Variants in EYS observed in about 807,000 individuals in gnomAD.
The protein encoded by EYS is protein eyes shut homolog.
Under a neutral mutation model 282.1 loss-of-function variants are expected in EYS, and 250 were observed. The ratio of observed to expected loss-of-function variants is 0.89; its 90% CI spans 0.80 to 0.98. The LOEUF (loss-of-function observed/expected upper bound fraction) is 0.98. Among genes scored for constraint, EYS ranks in the 50% least tolerant of loss-of-function variants. The pLI, the probability that EYS is intolerant of heterozygous loss-of-function variation, is 0.00. For synonymous variants in EYS, 1,355 were observed against 1,282.9 expected (o/e 1.06, Z -1.20); for missense variants, 4,016 against 3,709.0 (o/e 1.08, Z -2.15).
At chr6:65,281,018 A>C (rs1456549947) in intron 12 of EYS, among the ~76,000 whole-genome samples, 1 of 138,654 alleles carries the variant, frequency 7.2e-6, no homozygotes, top group Non-Finnish European at 1.6e-5. Context: ...CCTGGGCAAC[A>C]GAGTGAGATG....
intron 11 of EYS, among the ~76,000 whole-genome samples, chr6:65,311,416 T>C (rs1005972350): frequency 2.0e-5 from 3 of 152,194 alleles, no homozygotes; most frequent in African/African-American, 7.2e-5. Context: ...TTTAAGCAAT[T>C]ACAGATAACA....
At chr6:65,001,216 G>A (rs901962973) in intron 13 of EYS, among the ~76,000 whole-genome samples, 2 of 126,628 alleles carry the variant, frequency 1.6e-5, no homozygotes, top group African/African-American at 5.1e-5. Context: ...TGTATCCTGA[G>A]CTCTTGCCTA....
chr6:64,487,665 TCA>T (rs1582812697), intron 26 of EYS, among the ~76,000 whole-genome samples: 1 of 151,004 alleles, frequency 6.6e-6, no homozygotes, highest in African/African-American at 2.4e-5. Context: ...ATCAATAATT[TCA>T]CAGTTTTATA....
rs1453197074 is a variant in EYS at position 64,886,952 on chromosome 6, AATAAT to A, written c.2847-115_2847-111del. 6 of 723,210 alleles carry A rather than the reference AATAAT, an allele frequency of 8.3e-6. No homozygotes were observed. In the African/African-American group the frequency reaches 1.1e-4, roughly 14 times the overall value. The allele number at this position is 723,210 out of a possible 1,614,324, so 44.8% of individuals were successfully genotyped here. The stretch of plus-strand genomic sequence containing the variant: ...CAAGACATTCAACTTAATTGAAATA[AATAAT>A]ATATGTATTTCATTTTTTTCTTTGA... On this transcript the variant is annotated intron_variant, in intron 18 of 42. Coordinates refer to ENST00000503581, the MANE Select transcript of EYS (RefSeq NM_001142800.2).
chr6:65,427,023 T>C (rs781191260), intron 5 of EYS, among the ~76,000 whole-genome samples: 26 of 152,168 alleles, frequency 1.7e-4, no homozygotes, highest in African/African-American at 5.8e-4. Flanking sequence ...TGTATGTTTT[T>C]AAGGAAATAT....
At position 64,639,781 on chromosome 6, in the gene EYS, C is replaced by A. The variant is rs1217859932; in HGVS notation, c.3444-13536G>T. Among the ~76,000 whole-genome samples, 2 of 91,078 alleles carry A rather than the reference C, an allele frequency of 2.2e-5. 1 individual carries two copies. The highest frequency in any genetic ancestry group is 4.7e-5 in the Non-Finnish European group (2 of 42,232). The allele number at this position is 91,078 out of a possible 152,430, so 59.8% of individuals were successfully genotyped here. On this transcript the variant is annotated intron_variant, in intron 22 of 42. Coordinates refer to ENST00000503581, the MANE Select transcript of EYS (RefSeq NM_001142800.2). ...ACTACCATCAGAGTGAACAGGCAAC[C>A]TACAGAATGGGAGAAAATTTTCGCA...
intron 33 of EYS, among the ~76,000 whole-genome samples, chr6:64,000,194 T>TCAG (rs1287948070): frequency 8.2e-5 from 9 of 109,380 alleles, no homozygotes; most frequent in South Asian, 3.4e-4. Context: ...TTTTTTTTTT[T>TCAG]TTTTTTTTTT....
rs1381364965 is a variant in EYS, at chr6:65,334,823, A to G, written c.1766+157T>C. On this transcript the variant is annotated intron_variant, in intron 11 of 42. Coordinates refer to ENST00000503581, the MANE Select transcript of EYS (RefSeq NM_001142800.2). ...CATAACATGTATTATGTAACATAATATATAATAACTATATATGTATATGTA... is the reference window on the plus strand; with the variant it reads ...CATAACATGTATTATGTAACATAATGTATAATAACTATATATGTATATGTA... The G allele has an allele frequency of 1.6e-5, 10 of 618,732 alleles. No homozygotes were observed. The African/African-American group carries it at 1.9e-4, about 11-fold the overall frequency. 38.3% of individuals were successfully genotyped at this position (618,732 alleles called of 1,614,324 possible).
intron 1 of EYS, among the ~76,000 whole-genome samples, chr6:65,651,552 A>T (rs1767652593): frequency 1.3e-5 from 2 of 152,016 alleles, no homozygotes. Context: ...TCAAACTTAA[A>T]TTTTTAAAAG....
intron 29 of EYS, among the ~76,000 whole-genome samples, chr6:64,325,431 A>G (rs1045764165): frequency 3.3e-5 from 5 of 152,128 alleles, no homozygotes; most frequent in African/African-American, 2.4e-5. Context: ...TTAGCCCTAG[A>G]CCTTTCCTCT....
intron 14 of EYS, among the ~76,000 whole-genome samples, chr6:64,971,817 C>CA: frequency 6.6e-6 from 1 of 152,092 alleles, no homozygotes; most frequent in Non-Finnish European, 1.5e-5. Context: ...GAGAGAACAT[C>CA]ATGAAATTGT....
intron 1 of EYS, among the ~76,000 whole-genome samples, chr6:65,659,568 A>C (rs1377618608): frequency 6.6e-6 from 1 of 151,726 alleles, no homozygotes; most frequent in Non-Finnish European, 1.5e-5. Flanking sequence ...CAATTTTTAG[A>C]AACACCTGAG....
rs1478808626 is a variant in EYS at position 64,919,042 on chromosome 6, TCTTAGGTAC to T, written c.2382-6308_2382-6300del. Among the ~76,000 whole-genome samples, 50 of 152,312 alleles carry T rather than the reference TCTTAGGTAC, an allele frequency of 3.3e-4. 1 individual carries two copies. Among genetic ancestry groups the T allele is most frequent in the Admixed American group, 3.3e-3 (50 of 15,294 alleles). ...TGATATTCTGCAGTATTTTATAGAA[TCTTAGGTAC>T]ATATGTAGATTCTTTGAAAAGAAAT... On this transcript the variant is annotated intron_variant, in intron 15 of 42. Transcript: ENST00000503581.
At chr6:64,577,497 C>T (rs1234143244) in intron 26 of EYS, among the ~76,000 whole-genome samples, 2 of 149,650 alleles carry the variant, frequency 1.3e-5, no homozygotes, top group African/African-American at 4.8e-5. Context: ...TACACACACA[C>T]ACTCACACAC....
chr6:64,452,664 C>G (rs1775400167), intron 26 of EYS, among the ~76,000 whole-genome samples: 1 of 151,988 alleles, frequency 6.6e-6, no homozygotes, highest in Non-Finnish European at 1.5e-5. Context: ...AACAGAGATA[C>G]AGACCAATGG....
intron 19 of EYS, among the ~76,000 whole-genome samples, chr6:64,845,190 C>G (rs55754439): frequency 0.092 from 14,005 of 151,924 alleles, 847 homozygotes; most frequent in East Asian, 0.32. Context: ...ACTCAGGAAG[C>G]TGAGGTGTGA....
At chr6:65,325,617 A>C in intron 11 of EYS, among the ~76,000 whole-genome samples, 1 of 152,090 alleles carries the variant, frequency 6.6e-6, no homozygotes, top group African/African-American at 2.4e-5. Flanking sequence ...TAGTGATTGG[A>C]TGTGTCAGGG....
intron 42 of EYS, among the ~76,000 whole-genome samples, chr6:63,723,520 A>C (rs1768489467): frequency 6.6e-6 from 1 of 152,144 alleles, no homozygotes; most frequent in Non-Finnish European, 1.5e-5. Context: ...ATTAGAATAA[A>C]AAATATCTAA....
At chr6:65,430,779 G>T (rs1397467252) in intron 5 of EYS, among the ~76,000 whole-genome samples, 1 of 152,180 alleles carries the variant, frequency 6.6e-6, no homozygotes, top group Non-Finnish European at 1.5e-5. Flanking sequence ...CACATCCTGG[G>T]CCAGAAAGGA....
Sources: allele counts gnomAD v4.1 joint callset (sites outside exome capture counted in the v4.1 genomes callset), GRCh38; gene constraint gnomAD v4.1.1; transcripts MANE v1.5; gene names NCBI Gene and HGNC (gene_info 2026-07-23, HGNC 2026-07-21).